The following SRBD1 variants were observed in gnomAD, a reference collection of about 807,000 sequenced individuals.
The protein encoded by SRBD1 is S1 RNA binding domain 1.
A neutral mutation model predicts 115.3 loss-of-function variants in SRBD1; 88 were observed. The observed-to-expected ratio is 0.76, with a 90% confidence interval of 0.64 to 0.91. The LOEUF is 0.91. Among genes scored for constraint, SRBD1 ranks in the 40% least tolerant of loss-of-function variants. The probability of loss-of-function intolerance (pLI) is 0.00; values close to 1 mark genes in which losing one functional copy is unlikely to be tolerated. For missense variants in SRBD1, 1,385 were observed against 1,177.4 expected, an observed-to-expected ratio of 1.18 and a Z score of -2.58; for synonymous variants, 509 against 407.7, an observed-to-expected ratio of 1.25 and a Z score of -2.99.
At chr2:45,480,764 T>G (rs1669938262) in intron 15 of SRBD1, among the ~76,000 whole-genome samples, 1 of 152,216 alleles carries the variant, frequency 6.6e-6, no homozygotes, top group Non-Finnish European at 1.5e-5. Flanking sequence ...AAAGTTCTAC[T>G]GAATGTAAAA....
rs752733622 is a variant in SRBD1 at position 45,553,702 on chromosome 2, C to G, written c.1438G>C (p.Glu480Gln). The G allele has an allele frequency of 1.9e-6, 3 of 1,605,754 alleles. No individual in the cohort carries two copies. Among genetic ancestry groups the G allele is most frequent in the Admixed American group, 1.7e-5 (1 of 58,340 alleles). Reference sequence around the variant, plus strand: ...GAATTATATAAGATCTTCATTAACTCTGGCCTTGCAAAGCTACGTGGTCTC... The same window carrying G: ...GAATTATATAAGATCTTCATTAACTGTGGCCTTGCAAAGCTACGTGGTCTC... The part of the protein sequence containing the change: ...RWRPRSFARP[E>Q]LMKILYNSLN... Residue 480 changes from glutamate (E) to glutamine (Q), a missense_variant, in exon 11 of 21, where the codon GAG (glutamate) becomes CAG (glutamine). Coordinates refer to ENST00000263736, the MANE Select transcript of SRBD1 (RefSeq NM_018079.5).
intron 16 of SRBD1, among the ~76,000 whole-genome samples, chr2:45,471,819 T>C (rs913599607): frequency 6.6e-6 from 1 of 151,928 alleles, no homozygotes; most frequent in Non-Finnish European, 1.5e-5. Context: ...AAATGTTTTA[T>C]ATAAACCAAC....
chr2:45,552,346 T>C lies in SRBD1; in HGVS notation c.1518-1064A>G, dbSNP rs569831231. On this transcript the variant is annotated intron_variant, in intron 11 of 20. Coordinates refer to ENST00000263736, the MANE Select transcript of SRBD1 (RefSeq NM_018079.5). ...GAAATAAGTTATATTATTTTAACCA[T>C]GGGCATTTTAGAAAAAGAAAGAGAA... 2.6e-5 allele frequency among the ~76,000 whole-genome samples: 4 copies of C among 152,330 alleles called. No homozygotes were observed. The East Asian group carries it at 7.7e-4, about 29-fold the overall frequency.
At chr2:45,514,399 A>G (rs945189781) in intron 14 of SRBD1, among the ~76,000 whole-genome samples, 1 of 150,708 alleles carries the variant, frequency 6.6e-6, no homozygotes, top group African/African-American at 2.4e-5. Flanking sequence ...TCACAAGTGT[A>G]TGAGTATGAA....
At chr2:45,423,446 T>A (rs1261319317) in intron 16 of SRBD1, among the ~76,000 whole-genome samples, 3 of 152,162 alleles carry the variant, frequency 2.0e-5, no homozygotes, top group African/African-American at 7.2e-5. Flanking sequence ...ACCAGATACA[T>A]GGTAGGAGAA....
In SRBD1 at chr2:45,401,189, T is replaced by C. The variant is rs551381225; in HGVS notation, c.2514-8060A>G. On this transcript the variant is annotated intron_variant, in intron 19 of 20. Coordinates refer to ENST00000263736, the MANE Select transcript of SRBD1 (RefSeq NM_018079.5). ...AAAACTGGGCCCAGTGGCACACACA[T>C]GTAGTCCCAGCCACTAGGGAGGGTG... 3.9e-5 allele frequency among the ~76,000 whole-genome samples: 6 copies of C among 152,254 alleles called. No individual in the cohort carries two copies. In the South Asian group the frequency reaches 1.2e-3, roughly 32 times the overall value.
intron 10 of SRBD1, among the ~76,000 whole-genome samples, chr2:45,555,859 C>T (rs1229844582): frequency 6.6e-6 from 1 of 152,120 alleles, no homozygotes; most frequent in East Asian, 1.9e-4. Flanking sequence ...GCACAGTGGG[C>T]ATATAAACCT....
intron 14 of SRBD1, 94 bp downstream of exon 14, chr2:45,546,638 G>A: frequency 1.6e-6 from 2 of 1,231,606 alleles, no homozygotes; most frequent in Non-Finnish European, 2.4e-6. Context: ...CAAAGAAGAT[G>A]TACATCTTAA....
chr2:45,402,321 A>G (rs556787736), intron 19 of SRBD1, among the ~76,000 whole-genome samples: 2 of 152,294 alleles, frequency 1.3e-5, no homozygotes, highest in South Asian at 2.1e-4. Flanking sequence ...TCCCTCCCCA[A>G]ATAAATATTT....
chr2:45,513,932 G>C (rs991583898), intron 14 of SRBD1, among the ~76,000 whole-genome samples: 1 of 152,112 alleles, frequency 6.6e-6, no homozygotes, highest in Admixed American at 6.5e-5. Flanking sequence ...AGGTGGAAAG[G>C]CTGCATGGTG....
At chr2:45,551,575 AAGAC>A (rs575625913) in intron 11 of SRBD1, among the ~76,000 whole-genome samples, 3 of 152,340 alleles carry the variant, frequency 2.0e-5, no homozygotes, top group East Asian at 3.9e-4. Flanking sequence ...ATATGTGAGA[AAGAC>A]AGAGAGTGTA....
intron 14 of SRBD1, among the ~76,000 whole-genome samples, chr2:45,489,648 C>T (rs538808979): frequency 2.6e-5 from 4 of 152,180 alleles, no homozygotes; most frequent in South Asian, 2.1e-4. Context: ...GCATATTATA[C>T]ACAAAGCAAA....
At position 45,451,750 on chromosome 2, in the gene SRBD1, C is replaced by T. The variant is rs187613021; in HGVS notation, c.2049+25243G>A. Among the ~76,000 whole-genome samples the T allele has an allele frequency of 4.9e-3, 732 of 150,806 alleles. 9 individuals are homozygous for T. The highest frequency in any genetic ancestry group is 0.017 in the African/African-American group (685 of 41,054). On this transcript the variant is annotated intron_variant, in intron 16 of 20. Coordinates refer to ENST00000263736, the MANE Select transcript of SRBD1 (RefSeq NM_018079.5). ...TTTTTTTTCCATTTGCTGGCAGCAA[C>T]GAAGAGACTTTAAGTTCATGTAAAT...
rs189169250 is a variant in SRBD1 at position 45,549,770 on chromosome 2, G to A, written c.1675+1355C>T. Among the ~76,000 whole-genome samples, 360 of 151,964 alleles carry A rather than the reference G, an allele frequency of 2.4e-3. 5 individuals are homozygous for A. The highest frequency in any genetic ancestry group is 8.2e-3 in the African/African-American group (339 of 41,434). ...CCCAGCTACTCGGGAGGCTGAGGTG[G>A]GAGGATAGTTTGAGCACAGGAAGCA... On this transcript the variant is annotated intron_variant, in intron 12 of 20. Coordinates refer to ENST00000263736, the MANE Select transcript of SRBD1 (RefSeq NM_018079.5).
At position 45,413,298 on chromosome 2, in the gene SRBD1, AT is replaced by A; in HGVS notation, c.2334-6del. 6.2e-7 allele frequency: 1 copy of A among 1,602,136 alleles called. No individual in the cohort carries two copies. The highest frequency in any genetic ancestry group is 8.5e-7 in the Non-Finnish European group (1 of 1,176,560). On this transcript the variant is annotated splice_region_variant and splice_polypyrimidine_tract_variant and intron_variant, in intron 18 of 20. Coordinates refer to ENST00000263736, the MANE Select transcript of SRBD1 (RefSeq NM_018079.5). ...CCTGAAGTTTCAGTTTGCTGACTAT[AT>A]AAAACCAGAAAAAACCACATTTATG...
chr2:45,497,893 G>A (rs779128096), intron 14 of SRBD1, among the ~76,000 whole-genome samples: 6 of 152,076 alleles, frequency 3.9e-5, no homozygotes, highest in Non-Finnish European at 7.4e-5. Context: ...AATCAGCCCG[G>A]CATGGTGACA....
rs1002417541 is a variant in SRBD1, at chr2:45,474,578, TGCTATA to T, written c.2049+2409_2049+2414del. On this transcript the variant is annotated intron_variant, in intron 16 of 20. Coordinates refer to ENST00000263736, the MANE Select transcript of SRBD1 (RefSeq NM_018079.5). ...GAGGAGGTCAGTACAGGCCTAGCTT[TGCTATA>T]TGTATCTTCTTATCTAATACTTCAG... Among the ~76,000 whole-genome samples the T allele has an allele frequency of 5.3e-5, 8 of 152,338 alleles. No homozygotes were observed. In the East Asian group the frequency reaches 1.5e-3, roughly 29 times the overall value.
In SRBD1 at chr2:45,443,637, C is replaced by T. The variant is rs143298328; in HGVS notation, c.2050-23743G>A. Reference sequence around the variant, plus strand: ...GTCTAGCATGCAGATGGGAAGAACACTGTAAACATCTAAAACTTTGGCAGA... The same window carrying T: ...GTCTAGCATGCAGATGGGAAGAACATTGTAAACATCTAAAACTTTGGCAGA... On this transcript the variant is annotated intron_variant, in intron 16 of 20. Transcript: ENST00000263736. Among the ~76,000 whole-genome samples the T allele has an allele frequency of 5.9e-5, 9 of 152,082 alleles. No homozygotes were observed. In the East Asian group the frequency reaches 1.2e-3, roughly 20 times the overall value.
chr2:45,583,675 G>A (rs894744582), intron 5 of SRBD1, among the ~76,000 whole-genome samples: 2 of 151,844 alleles, frequency 1.3e-5, no homozygotes, highest in Admixed American at 1.3e-4. Flanking sequence ...CTCATGTAGG[G>A]GTAGCAATTA....
Sources: gnomAD v4.1 joint callset for allele counts (sites outside exome capture counted in the v4.1 genomes callset) on GRCh38, gnomAD v4.1.1 for gene constraint, MANE v1.5 for transcripts, NCBI Gene and HGNC (gene_info 2026-07-23, HGNC 2026-07-21) for gene names.